PRKN: variants seen among roughly 807,000 people sequenced by gnomAD.
PRKN encodes the protein parkin RBR E3 ubiquitin protein ligase, also known as E3 ubiquitin-protein ligase parkin.
A neutral mutation model predicts 59.5 loss-of-function variants in PRKN; 56 were observed. That is an observed-to-expected ratio of 0.94 (90% CI 0.76 to 1.18). PRKN has a LOEUF of 1.18. Ranked by LOEUF, PRKN falls within the 50% of genes most tolerant of loss-of-function variation. The pLI, the probability that PRKN is intolerant of heterozygous loss-of-function variation, is 0.00. For missense variants in PRKN, 657 were observed against 596.4 expected (o/e 1.10, Z -1.06); for synonymous variants, 250 against 222.1 (o/e 1.13, Z -1.12).
At chr6:162,277,366 C>T (rs1780679190) in intron 2 of PRKN, among the ~76,000 whole-genome samples, 1 of 152,128 alleles carries the variant, frequency 6.6e-6, no homozygotes, top group Non-Finnish European at 1.5e-5. Context: ...CCAAATTTAG[C>T]AATGAGGAGA....
chr6:161,839,597 G>A (rs1792900351), intron 6 of PRKN, among the ~76,000 whole-genome samples: 1 of 152,250 alleles, frequency 6.6e-6, no homozygotes, highest in African/African-American at 2.4e-5. Flanking sequence ...AACCCCAGGA[G>A]AGTCAGATCC....
intron 3 of PRKN, among the ~76,000 whole-genome samples, chr6:162,217,107 A>G (rs549629028): frequency 6.6e-6 from 1 of 152,310 alleles, no homozygotes; most frequent in East Asian, 1.9e-4. Context: ...ACAATCGAAG[A>G]ATCTCTCCTT....
At chr6:161,730,130 C>G (rs1468761177) in intron 7 of PRKN, among the ~76,000 whole-genome samples, 1 of 151,146 alleles carries the variant, frequency 6.6e-6, no homozygotes, top group Admixed American at 6.6e-5. Flanking sequence ...GTGTTGCATT[C>G]TGATGTGTTG....
Position 162,165,063 on chromosome 6 carries a change from C to G in PRKN, c.534+36068G>C, listed in dbSNP as rs1169208445. ...TTTAGGGCTCAGAAATAGACCTACA[C>G]ATACATGACATGGTCATTTGATTTT... On this transcript the variant is annotated intron_variant, in intron 4 of 11. Transcript: ENST00000366898. 4.7e-5 allele frequency among the ~76,000 whole-genome samples: 7 copies of G among 148,764 alleles called. 1 individual carries two copies. Among genetic ancestry groups the G allele is most frequent in the Non-Finnish European group, 1.5e-5 (1 of 67,330 alleles).
intron 7 of PRKN, among the ~76,000 whole-genome samples, chr6:161,697,285 G>C (rs1786061897): frequency 6.6e-6 from 1 of 152,114 alleles, no homozygotes; most frequent in African/African-American, 2.4e-5. Context: ...CTAACTTTTA[G>C]GAGAGAAGGA....
At chr6:161,963,703 G>A (rs1451029658) in intron 6 of PRKN, among the ~76,000 whole-genome samples, 1 of 152,176 alleles carries the variant, frequency 6.6e-6, no homozygotes, top group Non-Finnish European at 1.5e-5. Flanking sequence ...ATTCAGAAGG[G>A]ATTTTTAAAA....
chr6:162,579,609 A>G (rs1051109312), intron 1 of PRKN, among the ~76,000 whole-genome samples: 1 of 150,762 alleles, frequency 6.6e-6, no homozygotes, highest in East Asian at 1.9e-4. Context: ...AGATTCACAC[A>G]CACAGATACA....
chr6:161,490,308 TCTTGCTTG>T (rs111399768), intron 9 of PRKN, among the ~76,000 whole-genome samples: 26,200 of 143,166 alleles, frequency 0.18, 2,624 homozygotes, highest in African/African-American at 0.24. Context: ...TACTTTTCTT[TCTTGCTTG>T]CTTGCTTGCT....
intron 7 of PRKN, among the ~76,000 whole-genome samples, chr6:161,760,934 A>G (rs571119107): frequency 3.9e-5 from 6 of 152,202 alleles, no homozygotes; most frequent in Admixed American, 6.5e-5. Flanking sequence ...ATTTCAATAC[A>G]ATGCAACTTC....
chr6:161,960,715 T>C (rs763688665), intron 6 of PRKN, among the ~76,000 whole-genome samples: 9 of 152,216 alleles, frequency 5.9e-5, no homozygotes, highest in Non-Finnish European at 1.2e-4. Flanking sequence ...TGCAGCTTGC[T>C]GGGGACAGAA....
intron 5 of PRKN, among the ~76,000 whole-genome samples, chr6:161,998,195 T>C (rs991842142): frequency 1.3e-4 from 20 of 152,138 alleles, no homozygotes; most frequent in African/African-American, 4.8e-4. Flanking sequence ...ATATCACTTT[T>C]GGATAGTCTA....
At chr6:162,721,142 G>A (rs917959259) in intron 1 of PRKN, among the ~76,000 whole-genome samples, 4 of 152,248 alleles carry the variant, frequency 2.6e-5, no homozygotes, top group South Asian at 2.1e-4. Context: ...ATTCTCAGTC[G>A]AAGACTGTCC....
intron 1 of PRKN, among the ~76,000 whole-genome samples, chr6:162,490,538 T>C (rs1792762215): frequency 6.6e-6 from 1 of 152,236 alleles, no homozygotes; most frequent in African/African-American, 2.4e-5. Flanking sequence ...CATAGTTTCC[T>C]GTAATCCCTT....
At chr6:161,713,052 G>A (rs536788167) in intron 7 of PRKN, among the ~76,000 whole-genome samples, 63 of 152,292 alleles carry the variant, frequency 4.1e-4, no homozygotes, top group African/African-American at 1.4e-3. Flanking sequence ...ACCTCAGACC[G>A]ATGGGCTACA....
chr6:162,612,157 C>G (rs895031340), intron 1 of PRKN, among the ~76,000 whole-genome samples: 3 of 131,126 alleles, frequency 2.3e-5, no homozygotes, highest in Non-Finnish European at 4.6e-5. Context: ...CGCGCCACTG[C>G]ACTCCAGCCT....
chr6:162,059,221 A>G (rs1177124250), intron 4 of PRKN, among the ~76,000 whole-genome samples: 1 of 152,236 alleles, frequency 6.6e-6, no homozygotes, highest in Non-Finnish European at 1.5e-5. Flanking sequence ...CAGAGACATT[A>G]TAGAAAACTC....
chr6:162,525,593 C>T (rs1266058196), intron 1 of PRKN, among the ~76,000 whole-genome samples: 2 of 152,284 alleles, frequency 1.3e-5, no homozygotes, highest in Middle Eastern at 3.4e-3. Flanking sequence ...GCACTTATGG[C>T]CAATACACTA....
At position 161,348,523 on chromosome 6, in the gene PRKN, G is replaced by A. The variant is rs1401264418; in HGVS notation, c.*1576C>T. 7 of 210,482 alleles carry A rather than the reference G, an allele frequency of 3.3e-5. No individual in the cohort carries two copies. The East Asian group carries it at 5.0e-4, about 15-fold the overall frequency. The allele number at this position is 210,482 out of a possible 1,614,324, so 13.0% of individuals were successfully genotyped here. A position where few individuals can be genotyped will look rare whatever the true frequency, so the allele number is the denominator to read the frequency against. On this transcript the variant is annotated 3_prime_UTR_variant, in exon 12 of 12. Coordinates refer to ENST00000366898, the MANE Select transcript of PRKN (RefSeq NM_004562.3). This position sits in a 1 kb window ranked among gnomAD's most constrained non-coding sequence, Gnocchi z 4.9. ...CGGTGCAGGGCCTCTGAGACGACGG[G>A]ACTGTCCTCAGATGGTTGGAAGAAA...
intron 2 of PRKN, among the ~76,000 whole-genome samples, chr6:162,339,247 G>A (rs541249480): frequency 6.8e-6 from 1 of 148,146 alleles, no homozygotes; most frequent in Non-Finnish European, 1.5e-5. Flanking sequence ...AGGTGGTGGG[G>A]GTCAGCCCCC....
Sources: allele counts gnomAD v4.1 joint callset (sites outside exome capture counted in the v4.1 genomes callset), GRCh38; gene constraint gnomAD v4.1.1; non-coding constraint Gnocchi (gnomAD v3.1); transcripts MANE v1.5; gene names NCBI Gene and HGNC (gene_info 2026-07-23, HGNC 2026-07-21).